The following RFX6 variants were observed in gnomAD, a reference collection of about 807,000 sequenced individuals.
RFX6 encodes the protein regulatory factor X6, also known as DNA-binding protein RFX6.
A neutral mutation model predicts 110.8 loss-of-function variants in RFX6; 50 were observed. The ratio of observed to expected loss-of-function variants is 0.45; its 90% CI spans 0.36 to 0.57. The LOEUF is 0.57. Among genes scored for constraint, RFX6 ranks in the 20% least tolerant of loss-of-function variants. The probability of loss-of-function intolerance (pLI) is 0.00; values close to 1 mark genes in which losing one functional copy is unlikely to be tolerated. For missense variants in RFX6, 990 were observed against 1,127.0 expected, an observed-to-expected ratio of 0.88 and a Z score of 1.74; for synonymous variants, 383 against 411.2, an observed-to-expected ratio of 0.93 and a Z score of 0.83.
chr6:116,910,149 A>G (rs1775320160), intron 6 of RFX6, among the ~76,000 whole-genome samples: 1 of 152,046 alleles, frequency 6.6e-6, no homozygotes, highest in Non-Finnish European at 1.5e-5. Context: ...TATTTCCCCA[A>G]ACTTTTGATT....
chr6:116,917,870 C>G (rs919135669), intron 9 of RFX6, among the ~76,000 whole-genome samples, 167 bp from the exon 10 acceptor site: 1 of 152,058 alleles, frequency 6.6e-6, no homozygotes, highest in East Asian at 1.9e-4. Flanking sequence ...CACACTCACA[C>G]ACAACTCATA....
chr6:116,922,203 C>A lies in RFX6; in HGVS notation c.1437+52C>A, dbSNP rs772852961. The A allele has an allele frequency of 2.7e-5, 24 of 884,994 alleles. No individual in the cohort carries two copies. In the Admixed American group the frequency reaches 3.7e-4, roughly 14 times the overall value. 54.8% of individuals were successfully genotyped at this position (884,994 alleles called of 1,614,324 possible). ...ATAAGTTCCTTGTAAAGAGTAAATGCTAAACTGGCTATAATTTTTTGTCTG... is the reference window on the plus strand; with the variant it reads ...ATAAGTTCCTTGTAAAGAGTAAATGATAAACTGGCTATAATTTTTTGTCTG... On this transcript the variant is annotated intron_variant, in intron 13 of 18. Transcript: ENST00000332958.
intron 1 of RFX6, 147 bp from the exon 2 acceptor site, chr6:116,877,649 A>G: frequency 9.6e-7 from 1 of 1,039,856 alleles, no homozygotes; most frequent in Non-Finnish European, 1.4e-6. Context: ...AATGTCAAGT[A>G]GAGACCTGAC....
chr6:116,878,488 C>G (rs602797), intron 2 of RFX6, among the ~76,000 whole-genome samples: 102,717 of 151,890 alleles, frequency 0.68, 35,483 homozygotes, highest in East Asian at 0.88. Context: ...TATTTTTATA[C>G]CATCTATCAT....
At chr6:116,889,384 A>G (rs1394074977) in intron 4 of RFX6, among the ~76,000 whole-genome samples, 1 of 152,106 alleles carries the variant, frequency 6.6e-6, no homozygotes, top group Non-Finnish European at 1.5e-5. Context: ...TAAAATTCTC[A>G]TCCTCGAAAT....
At chr6:116,921,629 G>A (rs1775596670) in intron 12 of RFX6, among the ~76,000 whole-genome samples, 1 of 151,736 alleles carries the variant, frequency 6.6e-6, no homozygotes, top group Non-Finnish European at 1.5e-5. Flanking sequence ...GCCAGCCTGG[G>A]CAACACAGCA....
At chr6:116,922,232 G>A in intron 13 of RFX6, 81 bp downstream of exon 13, 1 of 781,832 alleles carries the variant, frequency 1.3e-6, no homozygotes, top group East Asian at 2.5e-5. Flanking sequence ...TTGTCTGGGG[G>A]GAGAGGGGTG....
intron 4 of RFX6, among the ~76,000 whole-genome samples, chr6:116,889,092 A>G (rs138413709): frequency 0.011 from 1,690 of 152,286 alleles, 29 homozygotes; most frequent in Admixed American, 0.041. Context: ...TCATTGCAAA[A>G]TACTGAGGTT....
rs201837026 is a variant in RFX6, at chr6:116,923,234, G to A, written c.1555+10G>A. ...AATGCATCCAGTTTTGGTAACATACGTGCATTATAAAACTGTTCTTACATG... is the reference window on the plus strand; with the variant it reads ...AATGCATCCAGTTTTGGTAACATACATGCATTATAAAACTGTTCTTACATG... On this transcript the variant is annotated intron_variant, in intron 14 of 18. Transcript: ENST00000332958. 55 of 1,204,994 alleles carry A rather than the reference G, an allele frequency of 4.6e-5. 1 individual carries two copies. Among genetic ancestry groups the A allele is most frequent in the South Asian group, 3.8e-4 (31 of 82,262 alleles). 74.6% of individuals were successfully genotyped at this position (1,204,994 alleles called of 1,614,324 possible). A position where few individuals can be genotyped will look rare whatever the true frequency, so the allele number is the denominator to read the frequency against.
intron 6 of RFX6, among the ~76,000 whole-genome samples, chr6:116,902,055 A>G (rs1775087155): frequency 6.6e-6 from 1 of 152,106 alleles, no homozygotes; most frequent in South Asian, 2.1e-4. Flanking sequence ...GGTCATCTCA[A>G]AAACCTAAAG....
chr6:116,931,324 C>T lies in RFX6; in HGVS notation c.2612-7C>T. Reference sequence around the variant, plus strand: ...TTTTCAATTGCTGATTATATTTTCCCTTACAGCTTCCAGTTTGCAAACCCC... The same window carrying T: ...TTTTCAATTGCTGATTATATTTTCCTTTACAGCTTCCAGTTTGCAAACCCC... On this transcript the variant is annotated splice_polypyrimidine_tract_variant and splice_region_variant and intron_variant, in intron 18 of 18. Coordinates refer to ENST00000332958, the MANE Select transcript of RFX6 (RefSeq NM_173560.4). The T allele has an allele frequency of 6.2e-7, 1 of 1,603,872 alleles. No homozygotes were observed. Among genetic ancestry groups the T allele is most frequent in the Non-Finnish European group, 8.5e-7 (1 of 1,170,814 alleles).
Position 116,919,195 on chromosome 6 carries a change from T to A in RFX6, c.1081T>A (p.Leu361Met). ...KNWEQWVVSS[L>M]ENLPEALTDK... ...TTGGGAACAGTGGGTTGTTTCATCCTTGGAAAACTTGCCAGAAGCTCTAAC... is the reference window on the plus strand; with the variant it reads ...TTGGGAACAGTGGGTTGTTTCATCCATGGAAAACTTGCCAGAAGCTCTAAC... The change falls in exon 11 of 19, where the codon TTG (leucine) becomes ATG (methionine). Residue 361 changes from leucine to methionine, a missense_variant. By Grantham distance (15) the Leu-to-Met change is conservative. Transcript: ENST00000332958. 6.2e-7 allele frequency: 1 copy of A among 1,613,682 alleles called. No individual in the cohort carries two copies. Among genetic ancestry groups the A allele is most frequent in the Non-Finnish European group, 8.5e-7 (1 of 1,179,642 alleles).
chr6:116,931,458 A>G lies in RFX6; in HGVS notation c.2739A>G (p.Leu913=). 1.2e-6 allele frequency: 2 copies of G among 1,613,606 alleles called. No individual in the cohort carries two copies. The highest frequency in any genetic ancestry group is 1.1e-5 in the South Asian group (1 of 91,074). The change falls in exon 19 of 19, where the codon TTA becomes TTG. Residue 913 remains leucine, a synonymous_variant. Transcript: ENST00000332958. ...GCAGTAGAGAAATGGTGTCCTCTTT[A>G]CCACCTATCAACACTGTGTTCATGG... is the stretch of plus-strand genomic sequence containing the variant. ...GTSSREMVSS[L]PPINTVFMGT... is the part of the protein sequence containing the mutation.
At position 116,880,561 on chromosome 6, in the gene RFX6, T is replaced by G; in HGVS notation, c.398T>G (p.Ile133Ser). Residue 133 changes from isoleucine to serine, a missense_variant, in exon 3 of 19, where the codon ATT becomes AGT. Around this residue, in one of 5 missense-constraint regions of RFX6, gnomAD observed 175 missense variants for 162.3 expected, o/e 1.08. Coordinates refer to ENST00000332958, the MANE Select transcript of RFX6 (RefSeq NM_173560.4). ...LTLQWLEENYIVCEGVCLPRC... is the reference protein window; with the variant it reads ...LTLQWLEENYSVCEGVCLPRC... ...TTTCTTAGGCTTGAAGAGAATTACATTGTATGTGAAGGAGTTTGCTTACCA... is the reference window on the plus strand; with the variant it reads ...TTTCTTAGGCTTGAAGAGAATTACAGTGTATGTGAAGGAGTTTGCTTACCA... 6.2e-7 allele frequency: 1 copy of G among 1,612,906 alleles called. No individual in the cohort carries two copies.
At chr6:116,900,276 G>A (rs1324531889) in intron 6 of RFX6, among the ~76,000 whole-genome samples, 1 of 151,558 alleles carries the variant, frequency 6.6e-6, no homozygotes, top group Non-Finnish European at 1.5e-5. Flanking sequence ...TTTTTTTTGA[G>A]ATGGAGTCTT....
At chr6:116,902,923 A>G (rs1013267038) in intron 6 of RFX6, among the ~76,000 whole-genome samples, 1 of 152,024 alleles carries the variant, frequency 6.6e-6, no homozygotes, top group Admixed American at 6.5e-5. Context: ...CTTGCCTTCT[A>G]GTCATATTTG....
At chr6:116,904,052 T>C (rs1775140979) in intron 6 of RFX6, among the ~76,000 whole-genome samples, 1 of 152,074 alleles carries the variant, frequency 6.6e-6, no homozygotes, top group Non-Finnish European at 1.5e-5. Context: ...CTTATTCTTA[T>C]GCTTGGTATT....
chr6:116,898,396 C>T (rs1305882958), intron 6 of RFX6, among the ~76,000 whole-genome samples: 1 of 152,106 alleles, frequency 6.6e-6, no homozygotes, highest in Non-Finnish European at 1.5e-5. Context: ...GTGGCACAAT[C>T]TTGACTCACT....
chr6:116,879,292 C>G (rs1370767002), intron 2 of RFX6, among the ~76,000 whole-genome samples: 1 of 151,712 alleles, frequency 6.6e-6, no homozygotes, highest in Non-Finnish European at 1.5e-5. Flanking sequence ...ACAACAGTAT[C>G]AAAATAGCAA....
Sources: allele counts gnomAD v4.1 joint callset (sites outside exome capture counted in the v4.1 genomes callset), GRCh38; gene constraint gnomAD v4.1.1; regional missense constraint gnomAD v4.1.1; transcripts MANE v1.5; gene names NCBI Gene and HGNC (gene_info 2026-07-23, HGNC 2026-07-21).